KCNAB2: variants seen among roughly 807,000 people sequenced by gnomAD.
KCNAB2 encodes the protein voltage-gated potassium channel subunit beta-2.
A neutral mutation model predicts 63.6 loss-of-function variants in KCNAB2; 29 were observed. The observed-to-expected ratio is 0.46, with a 90% confidence interval of 0.34 to 0.62. The LOEUF is 0.62. KCNAB2 is among the 20% of genes least tolerant of loss of function. The pLI is 0.01. For synonymous variants in KCNAB2, 222 were observed against 224.2 expected (o/e 0.99, Z 0.09); for missense variants, 359 against 563.9 (o/e 0.64, Z 3.68).
At chr1:6,082,150 GC>G in intron 4 of KCNAB2, 44 bp from the exon 5 acceptor site, 2 of 1,555,892 alleles carry the variant, frequency 1.3e-6, no homozygotes, top group Non-Finnish European at 1.8e-6. Flanking sequence ...GAGCCTCTGG[GC>G]CCCACCCCCG....
At chr1:6,095,486 GCT>G (rs1316266937) in intron 12 of KCNAB2, 42 bp from the exon 13 acceptor site, 45 of 1,168,238 alleles carry the variant, frequency 3.9e-5, no homozygotes, top group Non-Finnish European at 5.6e-5. Context: ...CCCCACCCCT[GCT>G]CTCGGGCCCA....
chr1:6,079,496 G>A (rs1173773669), intron 4 of KCNAB2, among the ~76,000 whole-genome samples: 1 of 151,324 alleles, frequency 6.6e-6, no homozygotes, highest in Non-Finnish European at 1.5e-5. Flanking sequence ...TCCCGCCTGG[G>A]CAACAGAATG....
intron 2 of KCNAB2, among the ~76,000 whole-genome samples, chr1:6,058,025 C>T (rs1469420332): frequency 6.6e-6 from 1 of 152,134 alleles, no homozygotes; most frequent in African/African-American, 2.4e-5. Flanking sequence ...GTGGCAAGTG[C>T]CTATGATCCC....
intron 9 of KCNAB2, 115 bp from the exon 10 acceptor site, chr1:6,091,148 A>G: frequency 2.7e-6 from 2 of 752,432 alleles, no homozygotes; most frequent in South Asian, 3.0e-5. Flanking sequence ...CTTTTTAACT[A>G]AACGCGTGTT....
At chr1:6,080,740 G>T (rs1310793181) in intron 4 of KCNAB2, among the ~76,000 whole-genome samples, 1 of 152,182 alleles carries the variant, frequency 6.6e-6, no homozygotes, top group East Asian at 1.9e-4. Flanking sequence ...CTTCCCACGT[G>T]CAGCATTTGG....
At chr1:6,055,424 C>T (rs536567109) in intron 2 of KCNAB2, among the ~76,000 whole-genome samples, 77 of 149,026 alleles carry the variant, frequency 5.2e-4, no homozygotes, top group Middle Eastern at 3.4e-3. Flanking sequence ...GGCACAGTCT[C>T]GGCTCACTAC....
In KCNAB2 at chr1:6,084,579, GC is replaced by G. The variant is rs1198662592; in HGVS notation, c.381-623del. ...GCCTGGAATCCCAGCACTTTGGGAG[GC>G]CACAGTGGGCGGATCACTCGAGATG... On this transcript the variant is annotated intron_variant, in intron 5 of 15. Coordinates refer to ENST00000378083, the MANE Select transcript of KCNAB2 (RefSeq NM_001199862.2). 4.6e-5 allele frequency among the ~76,000 whole-genome samples: 7 copies of G among 152,204 alleles called. No homozygotes were observed. In the East Asian group the frequency reaches 7.7e-4, roughly 17 times the overall value.
At chr1:6,092,362 G>A (rs975358006) in intron 10 of KCNAB2, among the ~76,000 whole-genome samples, 3 of 152,214 alleles carry the variant, frequency 2.0e-5, no homozygotes, top group African/African-American at 2.4e-5. Flanking sequence ...CTCCTGCCCC[G>A]TCAGCCCCGT....
chr1:6,043,043 G>A (rs374105980), upstream of KCNAB2, among the ~76,000 whole-genome samples: 5 of 152,054 alleles, frequency 3.3e-5, no homozygotes, highest in Non-Finnish European at 5.9e-5. Context: ...TCTGAACTCC[G>A]GCTTGCAAAT....
chr1:6,008,779 G>C (rs200377202), intron 1 of KCNAB2, among the ~76,000 whole-genome samples: 2 of 152,282 alleles, frequency 1.3e-5, no homozygotes, highest in East Asian at 3.9e-4. Flanking sequence ...CTCTGTCCCA[G>C]GCCCCTGGGG....
chr1:6,000,947 G>C (rs1657222208), intron 1 of KCNAB2, among the ~76,000 whole-genome samples: 1 of 152,174 alleles, frequency 6.6e-6, no homozygotes, highest in South Asian at 2.1e-4. Context: ...CACCACCAAA[G>C]CATCACACCA....
rs1659946638 is a variant in KCNAB2 at position 6,035,335 on chromosome 1, G to A, written c.-53+541G>A. ...TGGAATGGAAGCCATTGGAAGGTTT[G>A]GAGTGAAGCAGTGACATAATCTGAC... On this transcript the variant is annotated intron_variant, in intron 1 of 15. Coordinates refer to the KCNAB2 transcript ENST00000164247. The surrounding 1 kb of genome is among the most constrained non-coding windows in gnomAD (Gnocchi z 5.0). 6.6e-6 allele frequency among the ~76,000 whole-genome samples: 1 copy of A among 152,220 alleles called. No individual in the cohort carries two copies. Among genetic ancestry groups the A allele is most frequent in the African/African-American group, 2.4e-5 (1 of 41,444 alleles).
In KCNAB2 at chr1:6,078,031, CG is replaced by C. The variant is rs1557489813; in HGVS notation, c.301-4161del. Among the ~76,000 whole-genome samples, 3 of 149,478 alleles carry C rather than the reference CG, an allele frequency of 2.0e-5. No homozygotes were observed. Among genetic ancestry groups the C allele is most frequent in the Non-Finnish European group, 4.4e-5 (3 of 67,538 alleles). The stretch of plus-strand genomic sequence containing the variant: ...GCCTAAGTCCAGGAGTCAGCCGGGC[CG>C]GGCTTCCTTCTCCCGGCCAGGACCT... On this transcript the variant is annotated intron_variant, in intron 4 of 15. Coordinates refer to ENST00000378083, the MANE Select transcript of KCNAB2 (RefSeq NM_001199862.2). The surrounding 1 kb of genome is among the most constrained non-coding windows in gnomAD (Gnocchi z 4.2).
chr1:6,049,513 CG>C (rs1388454708), intron 1 of KCNAB2, among the ~76,000 whole-genome samples: 2 of 152,202 alleles, frequency 1.3e-5, no homozygotes, highest in East Asian at 3.9e-4. Flanking sequence ...CCCCCACCCC[CG>C]GGAGCCATGC....
intron 2 of KCNAB2, among the ~76,000 whole-genome samples, chr1:6,064,187 G>T (rs774193227): frequency 6.6e-6 from 1 of 152,184 alleles, no homozygotes; most frequent in Non-Finnish European, 1.5e-5. Context: ...TAGAAACGCC[G>T]CCTTCCGGGC....
chr1:6,100,049 C>G lies in KCNAB2; in HGVS notation c.*1475C>G, dbSNP rs1323852017. On this transcript the variant is annotated 3_prime_UTR_variant, in exon 16 of 16. Coordinates refer to ENST00000378083, the MANE Select transcript of KCNAB2 (RefSeq NM_001199862.2). Reference sequence around the variant, plus strand: ...TAGGGAAGCCTGTGTCTCCTGCCCCCAGGGCGCACCCTCAGTGCAGGCACC... The same window carrying G: ...TAGGGAAGCCTGTGTCTCCTGCCCCGAGGGCGCACCCTCAGTGCAGGCACC... 1 of 1,504,010 alleles carries G rather than the reference C, an allele frequency of 6.6e-7. No homozygotes were observed. The highest frequency in any genetic ancestry group is 2.2e-5 in the Admixed American group (1 of 44,838). 93.2% of individuals were successfully genotyped at this position (1,504,010 alleles called of 1,614,324 possible).
intron 5 of KCNAB2, among the ~76,000 whole-genome samples, chr1:6,084,860 G>C (rs1664557202): frequency 6.6e-6 from 1 of 152,022 alleles, no homozygotes; most frequent in South Asian, 2.1e-4. Context: ...ACCTAATGTT[G>C]CCAGGCATTT....
intron 2 of KCNAB2, among the ~76,000 whole-genome samples, chr1:6,058,187 T>C (rs1246923919): frequency 6.6e-6 from 1 of 152,184 alleles, no homozygotes. Context: ...AGTCATTGGA[T>C]TGAAGGCTGA....
At chr1:6,048,934 C>T (rs1661165629) in intron 1 of KCNAB2, among the ~76,000 whole-genome samples, 1 of 152,256 alleles carries the variant, frequency 6.6e-6, no homozygotes, top group South Asian at 2.1e-4. Context: ...TGAACCTCTC[C>T]TGGAGTCCGG....
Sources: allele counts gnomAD v4.1 joint callset (sites outside exome capture counted in the v4.1 genomes callset), GRCh38; gene constraint gnomAD v4.1.1; non-coding constraint Gnocchi (gnomAD v3.1); transcripts MANE v1.5; gene names NCBI Gene and HGNC (gene_info 2026-07-23, HGNC 2026-07-21).